The following CENPK variants were observed in gnomAD, a reference collection of about 807,000 sequenced individuals.
The protein encoded by CENPK is centromere protein K.
Under a neutral mutation model 40.9 loss-of-function variants are expected in CENPK, and 46 were observed. That is an observed-to-expected ratio of 1.13 (90% confidence interval 0.89 to 1.44). The LOEUF (loss-of-function observed/expected upper bound fraction) is 1.44. CENPK is among the 40% of genes most tolerant of loss of function. The pLI is 0.00. For synonymous variants in CENPK, 107 were observed against 104.4 expected (o/e 1.02, Z -0.15); for missense variants, 288 against 303.5 (o/e 0.95, Z 0.38).
intron 5 of CENPK, among the ~76,000 whole-genome samples, chr5:65,546,758 A>C (rs1749060483): frequency 6.6e-6 from 1 of 152,246 alleles, no homozygotes; most frequent in Non-Finnish European, 1.5e-5. Flanking sequence ...AAGAAGATGG[A>C]CATCTGCAAG....
At chr5:65,500,387 A>C in the CENPK span, among the ~76,000 whole-genome samples, 2 of 135,674 alleles carry the variant, frequency 1.5e-5, no homozygotes, top group Non-Finnish European at 3.1e-5. Flanking sequence ...GATATCTCAT[A>C]GTGGTTTTGA....
chr5:65,546,437 G>C (rs904654134), intron 5 of CENPK, among the ~76,000 whole-genome samples: 3 of 152,176 alleles, frequency 2.0e-5, no homozygotes, highest in African/African-American at 7.2e-5. Context: ...ATGAATCTGA[G>C]GTGTCTATGA....
At chr5:65,542,672 C>G (rs1748183221) in intron 6 of CENPK, 130 bp downstream of exon 6, 1 of 628,402 alleles carries the variant, frequency 1.6e-6, no homozygotes, top group Non-Finnish European at 2.6e-6. Context: ...TTCAATAAAA[C>G]ATAAATAAAA....
At chr5:65,548,673 C>T (rs966947844) in intron 5 of CENPK, among the ~76,000 whole-genome samples, 6 of 152,104 alleles carry the variant, frequency 3.9e-5, no homozygotes, top group South Asian at 2.1e-4. Context: ...TCATTTCAAC[C>T]GTGTTCAAAG....
intron 9 of CENPK, among the ~76,000 whole-genome samples, chr5:65,527,150 T>C (rs1283676381): frequency 6.6e-6 from 1 of 151,834 alleles, no homozygotes; most frequent in African/African-American, 2.4e-5. Context: ...AACACCTAAA[T>C]TTCATAATAT....
chr5:65,540,194 G>A (rs1439829125), intron 6 of CENPK, among the ~76,000 whole-genome samples: 1 of 152,118 alleles, frequency 6.6e-6, no homozygotes, highest in Non-Finnish European at 1.5e-5. Context: ...AGCAATTTAA[G>A]TCATTTTTAA....
At chr5:65,547,864 C>T (rs1324037223) in intron 5 of CENPK, among the ~76,000 whole-genome samples, 1 of 152,138 alleles carries the variant, frequency 6.6e-6, no homozygotes. Flanking sequence ...TGGGGTTTCA[C>T]CGTGTTAGCC....
chr5:65,543,444 A>C (rs1201656158), intron 5 of CENPK, among the ~76,000 whole-genome samples: 1 of 152,198 alleles, frequency 6.6e-6, no homozygotes, highest in Non-Finnish European at 1.5e-5. Flanking sequence ...TCCTATGTAC[A>C]CATATGTAAC....
chr5:65,533,350 AAAATAAAT>A lies in CENPK; in HGVS notation c.289-4159_289-4152del, dbSNP rs61642453. ...GGGTGACAGAGTAAGACCCTGTATC[AAAATAAAT>A]AAATAAATAAATAAAATAACAAAAT... On this transcript the variant is annotated intron_variant, in intron 6 of 10. Transcript: ENST00000396679. Among the ~76,000 whole-genome samples, 173 of 148,210 alleles carry A rather than the reference AAAATAAAT, an allele frequency of 1.2e-3. 2 individuals are homozygous for A. Among genetic ancestry groups the A allele is most frequent in the South Asian group, 4.3e-4 (2 of 4,670 alleles).
intron 5 of CENPK, among the ~76,000 whole-genome samples, chr5:65,547,469 C>T (rs755028595): frequency 4.6e-5 from 7 of 151,452 alleles, no homozygotes; most frequent in African/African-American, 7.3e-5. Flanking sequence ...ATAAGACATA[C>T]GGTTGAAGAC....
At chr5:65,496,616 G>T in the CENPK span, among the ~76,000 whole-genome samples, 27 of 152,060 alleles carry the variant, frequency 1.8e-4, no homozygotes, top group African/African-American at 2.4e-4. Context: ...ATATTTTCTA[G>T]CACATGTCAT....
chr5:65,532,910 C>CAAAAAAAAAAAAAAA (rs60713724), intron 6 of CENPK, among the ~76,000 whole-genome samples: 2 of 37,014 alleles, frequency 5.4e-5, no homozygotes, highest in Non-Finnish European at 4.7e-5. Flanking sequence ...ACTCCATCTC[C>CAAAAAAAAAAAAAAA]AAAAAAAAAA....
the CENPK span, among the ~76,000 whole-genome samples, chr5:65,497,865 A>G: frequency 2.0e-5 from 3 of 152,174 alleles, no homozygotes; most frequent in African/African-American, 7.2e-5. Context: ...GCAAGACCCT[A>G]TTTCAAACAA....
At chr5:65,496,211 T>C in the CENPK span, among the ~76,000 whole-genome samples, 1 of 152,138 alleles carries the variant, frequency 6.6e-6, no homozygotes, top group Non-Finnish European at 1.5e-5. Context: ...TGAGCCATGA[T>C]TATACCACTG....
chr5:65,512,927 C>T (rs1225409094), downstream of CENPK, among the ~76,000 whole-genome samples: 1 of 152,210 alleles, frequency 6.6e-6, no homozygotes, highest in African/African-American at 2.4e-5. Flanking sequence ...TCTCTAATGA[C>T]ATACGATGTT....
chr5:65,538,360 T>C (rs1353635604), intron 6 of CENPK, among the ~76,000 whole-genome samples: 1 of 152,204 alleles, frequency 6.6e-6, no homozygotes, highest in African/African-American at 2.4e-5. Context: ...GCTATGTTTA[T>C]GAATAAGGCT....
downstream of CENPK, among the ~76,000 whole-genome samples, chr5:65,516,916 A>C (rs1212809740): frequency 6.6e-6 from 1 of 152,074 alleles, no homozygotes; most frequent in Non-Finnish European, 1.5e-5. Flanking sequence ...AATACAGTCT[A>C]TTGGTAGGCA....
At chr5:65,544,176 T>G (rs1320938232) in intron 5 of CENPK, among the ~76,000 whole-genome samples, 1 of 152,200 alleles carries the variant, frequency 6.6e-6, no homozygotes, top group Non-Finnish European at 1.5e-5. Context: ...GCTTCCAAGA[T>G]GGTGTCTTCT....
chr5:65,558,159 C>A (rs1224692445), intron 2 of CENPK, among the ~76,000 whole-genome samples: 1 of 151,948 alleles, frequency 6.6e-6, no homozygotes, highest in African/African-American at 2.4e-5. Context: ...AAAACACACA[C>A]ACACACATTT....
Sources: gnomAD v4.1 joint callset for allele counts (sites outside exome capture counted in the v4.1 genomes callset) on GRCh38, gnomAD v4.1.1 for gene constraint, MANE v1.5 for transcripts, NCBI Gene and HGNC (gene_info 2026-07-23, HGNC 2026-07-21) for gene names.